The following MECOM variants were observed in gnomAD, a reference collection of about 807,000 sequenced individuals.
MECOM encodes the protein histone-lysine N-methyltransferase MECOM.
In MECOM, 13 loss-of-function variants were observed where a neutral mutation model predicts 116.3. That is an observed-to-expected ratio of 0.11 (90% confidence interval 0.07 to 0.18). MECOM has a LOEUF of 0.18. Among genes scored for constraint, MECOM ranks in the 10% least tolerant of loss-of-function variants. MECOM has a pLI of 1.00. For synonymous variants in MECOM, 528 were observed against 535.2 expected, an observed-to-expected ratio of 0.99 and a Z score of 0.19; for missense variants, 1,299 against 1,509.0, an observed-to-expected ratio of 0.86 and a Z score of 2.31.
intron 2 of MECOM, among the ~76,000 whole-genome samples, chr3:169,333,861 TTTCC>T (rs1235322102): frequency 6.7e-6 from 1 of 148,912 alleles, no homozygotes; most frequent in East Asian, 2.0e-4. Flanking sequence ...TCCTTCCTTC[TTTCC>T]TTCCTTCCTT....
At chr3:169,181,551 A>G (rs999353853) in intron 2 of MECOM, among the ~76,000 whole-genome samples, 1 of 152,166 alleles carries the variant, frequency 6.6e-6, no homozygotes, top group Non-Finnish European at 1.5e-5. Context: ...AAAACCTGCT[A>G]CTAAAAATAA....
intron 2 of MECOM, among the ~76,000 whole-genome samples, chr3:169,284,864 G>A (rs1345859231): frequency 6.6e-6 from 1 of 152,052 alleles, no homozygotes; most frequent in African/African-American, 2.4e-5. Context: ...AGTTTTACAT[G>A]TATATAAGAC....
intron 9 of MECOM, among the ~76,000 whole-genome samples, chr3:169,111,109 C>A (rs1727240119): frequency 6.6e-6 from 1 of 152,136 alleles, no homozygotes; most frequent in Non-Finnish European, 1.5e-5. Flanking sequence ...GTTAGCAAAA[C>A]ATCTTTGAAT....
chr3:169,200,441 G>A (rs1213802788), intron 2 of MECOM, among the ~76,000 whole-genome samples: 2 of 151,876 alleles, frequency 1.3e-5, no homozygotes, highest in Non-Finnish European at 2.9e-5. Flanking sequence ...CACAGTGGGA[G>A]GTTTTTTAAC....
At chr3:169,603,785 G>A (rs1259786625) in intron 1 of MECOM, among the ~76,000 whole-genome samples, 1 of 152,172 alleles carries the variant, frequency 6.6e-6, no homozygotes, top group Admixed American at 6.5e-5. Flanking sequence ...TACACTCAAT[G>A]ATGTACCCAC....
chr3:169,196,031 T>C (rs921959358), intron 2 of MECOM, among the ~76,000 whole-genome samples: 7 of 152,030 alleles, frequency 4.6e-5, no homozygotes, highest in Admixed American at 1.3e-4. Flanking sequence ...CAGGATTCTA[T>C]AGTTATCAAA....
intron 2 of MECOM, among the ~76,000 whole-genome samples, chr3:169,378,385 A>AAAG (rs1414031679): frequency 9.4e-6 from 1 of 106,118 alleles, no homozygotes; most frequent in Non-Finnish European, 2.1e-5. Flanking sequence ...AGGAAGGAAG[A>AAAG]CAAGAAAGAA....
chr3:169,156,791 T>G (rs1742063111), intron 2 of MECOM, among the ~76,000 whole-genome samples: 1 of 152,212 alleles, frequency 6.6e-6, no homozygotes, highest in African/African-American at 2.4e-5. Flanking sequence ...TTAATAAGAT[T>G]TGGCATTATC....
chr3:169,112,100 A>G (rs551927268), intron 9 of MECOM, among the ~76,000 whole-genome samples: 7 of 152,296 alleles, frequency 4.6e-5, no homozygotes, highest in South Asian at 4.1e-4. Context: ...TGTTCTTTCA[A>G]TACGATTTTC....
chr3:169,663,221 C>T (rs1776562921), intron 1 of MECOM, 115 bp downstream of exon 1: 12 of 1,262,074 alleles, frequency 9.5e-6, no homozygotes, highest in Admixed American at 8.3e-5. Context: ...GCCTGCCCTC[C>T]ACCCGGGGCC....
At chr3:169,599,157 T>C (rs372146295) in intron 1 of MECOM, among the ~76,000 whole-genome samples, 3 of 152,164 alleles carry the variant, frequency 2.0e-5, no homozygotes, top group Non-Finnish European at 2.9e-5. Flanking sequence ...TAAACTGAAG[T>C]GAGCTACAAC....
chr3:169,186,399 AGG>A (rs1577289330), intron 2 of MECOM, among the ~76,000 whole-genome samples: 2 of 17,768 alleles, frequency 1.1e-4, no homozygotes, highest in East Asian at 2.5e-3. Context: ...GGAGGGAGGG[AGG>A]GAGGGAGGGA....
intron 2 of MECOM, among the ~76,000 whole-genome samples, chr3:169,273,637 G>A (rs1759221660): frequency 6.6e-6 from 1 of 152,158 alleles, no homozygotes; most frequent in Admixed American, 6.5e-5. Context: ...ATCTTAGGCG[G>A]TGTGTGTGAA....
At chr3:169,242,102 A>T (rs1385643162) in intron 2 of MECOM, among the ~76,000 whole-genome samples, 2 of 152,162 alleles carry the variant, frequency 1.3e-5, no homozygotes, top group Non-Finnish European at 2.9e-5. Context: ...GTGTTTATAG[A>T]TTTCTTTTAA....
intron 1 of MECOM, among the ~76,000 whole-genome samples, chr3:169,645,892 C>A (rs1774118331): frequency 6.6e-6 from 1 of 152,278 alleles, no homozygotes; most frequent in East Asian, 1.9e-4. Flanking sequence ...TGAGTCCCAT[C>A]CCCAAAGACT....
chr3:169,208,142 A>G (rs1238232420), intron 2 of MECOM, among the ~76,000 whole-genome samples: 1 of 151,870 alleles, frequency 6.6e-6, no homozygotes, highest in Non-Finnish European at 1.5e-5. Context: ...GTCTAAATCT[A>G]TTCCAAAGCT....
chr3:169,299,659 T>C (rs1224565033), intron 2 of MECOM, among the ~76,000 whole-genome samples: 1 of 152,058 alleles, frequency 6.6e-6, no homozygotes, highest in Non-Finnish European at 1.5e-5. Flanking sequence ...ACAGCCCCAT[T>C]CCATATGCAT....
chr3:169,184,654 T>C (rs1241136125), intron 2 of MECOM, among the ~76,000 whole-genome samples: 1 of 152,100 alleles, frequency 6.6e-6, no homozygotes, highest in African/African-American at 2.4e-5. Flanking sequence ...TGCTACTCTT[T>C]AAGGCGTCCC....
At position 169,156,474 on chromosome 3, in the gene MECOM, C is replaced by T. The variant is rs564688708; in HGVS notation, c.376-12642G>A. Reference sequence around the variant, plus strand: ...TTGATAAAAAAAAGTCCCCACAAAACAGTCATAAATAAATAAAGACAAAAT... The same window carrying T: ...TTGATAAAAAAAAGTCCCCACAAAATAGTCATAAATAAATAAAGACAAAAT... On this transcript the variant is annotated intron_variant, in intron 2 of 16. Coordinates refer to ENST00000651503, the MANE Select transcript of MECOM (RefSeq NM_004991.4). Among the ~76,000 whole-genome samples the T allele has an allele frequency of 1.6e-4, 24 of 152,248 alleles. No individual in the cohort carries two copies. In the South Asian group the frequency reaches 4.6e-3, roughly 29 times the overall value.
Sources: allele counts gnomAD v4.1 joint callset (sites outside exome capture counted in the v4.1 genomes callset), GRCh38; gene constraint gnomAD v4.1.1; transcripts MANE v1.5; gene names NCBI Gene and HGNC (gene_info 2026-07-23, HGNC 2026-07-21).